GRID2: variants seen among roughly 807,000 people sequenced by gnomAD.
The protein encoded by GRID2 is glutamate ionotropic receptor delta type subunit 2.
Under a neutral mutation model 114.8 loss-of-function variants are expected in GRID2, and 33 were observed. That is an observed-to-expected ratio of 0.29 (90% confidence interval 0.22 to 0.38). GRID2 has a LOEUF of 0.38. GRID2 is among the 10% of genes least tolerant of loss of function. The pLI is 1.00. For missense variants in GRID2, 1,184 were observed against 1,257.7 expected (o/e 0.94, Z 0.89); for synonymous variants, 505 against 449.9 (o/e 1.12, Z -1.55).
At chr4:92,581,675 A>G (rs1426441117) in intron 1 of GRID2, among the ~76,000 whole-genome samples, 1 of 152,122 alleles carries the variant, frequency 6.6e-6, no homozygotes. Flanking sequence ...CTCTGGAGAA[A>G]TCTCTGGAGA....
In GRID2 at chr4:92,535,776, T is replaced by C. The variant is rs201488050; in HGVS notation, c.89-54355T>C. ...TCAAGAATGAAGCCACGGACCGTCG[T>C]GGTGAGTGTTACAGTTCTTAAAGAT... On this transcript the variant is annotated intron_variant, in intron 1 of 15. Transcript: ENST00000282020. Among the ~76,000 whole-genome samples the C allele has an allele frequency of 2.0e-4, 31 of 152,298 alleles. 3 individuals are homozygous for C. In the East Asian group the frequency reaches 6.0e-3, roughly 29 times the overall value.
At chr4:93,005,837 A>G (rs1020500386) in intron 2 of GRID2, among the ~76,000 whole-genome samples, 1 of 152,102 alleles carries the variant, frequency 6.6e-6, no homozygotes, top group Non-Finnish European at 1.5e-5. Flanking sequence ...AATATCCAGA[A>G]TGGTTAAATC....
chr4:93,598,440 A>G (rs185318880), intron 13 of GRID2, among the ~76,000 whole-genome samples: 70 of 152,232 alleles, frequency 4.6e-4, no homozygotes, highest in African/African-American at 1.3e-3. Context: ...CTAAGCACCA[A>G]TGAATTTTGC....
At chr4:93,759,048 CT>C (rs1732991447) in intron 14 of GRID2, among the ~76,000 whole-genome samples, 1 of 152,028 alleles carries the variant, frequency 6.6e-6, no homozygotes, top group Non-Finnish European at 1.5e-5. Flanking sequence ...TTTCATTACC[CT>C]GATTATCTAT....
chr4:92,324,937 T>C (rs982469519), intron 1 of GRID2, among the ~76,000 whole-genome samples: 6 of 151,950 alleles, frequency 3.9e-5, no homozygotes, highest in Non-Finnish European at 8.8e-5. Flanking sequence ...TATCACACTA[T>C]GTAAGAAAAA....
chr4:93,042,507 G>A (rs1313919493), intron 2 of GRID2, among the ~76,000 whole-genome samples: 1 of 148,088 alleles, frequency 6.8e-6, no homozygotes, highest in African/African-American at 2.5e-5. Context: ...GAAGTGAGCT[G>A]TTTTGTAATG....
At chr4:92,928,292 G>T (rs1330977047) in intron 2 of GRID2, among the ~76,000 whole-genome samples, 4 of 151,702 alleles carry the variant, frequency 2.6e-5, no homozygotes, top group Non-Finnish European at 4.4e-5. Context: ...GGCTGGAATT[G>T]TGTGCATCCA....
chr4:92,310,178 T>G (rs1725623783), intron 1 of GRID2, among the ~76,000 whole-genome samples: 1 of 150,318 alleles, frequency 6.7e-6, no homozygotes, highest in African/African-American at 2.5e-5. Flanking sequence ...ATTATAGGGT[T>G]TATTTGTTCA....
intron 2 of GRID2, among the ~76,000 whole-genome samples, chr4:92,694,898 C>G (rs746248479): frequency 1.3e-5 from 2 of 152,142 alleles, no homozygotes. Flanking sequence ...ACCAAATAAT[C>G]AGACCTAATG....
intron 2 of GRID2, among the ~76,000 whole-genome samples, chr4:92,928,414 CA>C (rs754769196): frequency 5.3e-5 from 8 of 151,452 alleles, no homozygotes; most frequent in Non-Finnish European, 1.0e-4. Context: ...CATAGAAATA[CA>C]AAATACACTA....
intron 6 of GRID2, among the ~76,000 whole-genome samples, chr4:93,221,342 G>A (rs982150466): frequency 1.3e-5 from 2 of 152,110 alleles, no homozygotes; most frequent in Non-Finnish European, 2.9e-5. Context: ...CTCAAAGCAA[G>A]CCACAGATGG....
At chr4:93,458,970 A>C (rs1440721017) in intron 11 of GRID2, among the ~76,000 whole-genome samples, 2 of 152,026 alleles carry the variant, frequency 1.3e-5, no homozygotes, top group African/African-American at 4.8e-5. Flanking sequence ...ACCTGAGGTC[A>C]GGAGTTCGAG....
chr4:93,334,846 G>A (rs991277857), intron 8 of GRID2, among the ~76,000 whole-genome samples: 6 of 152,008 alleles, frequency 3.9e-5, no homozygotes, highest in Non-Finnish European at 7.4e-5. Context: ...CAGGAGAATC[G>A]CTTGAACCCG....
At chr4:93,686,560 C>G (rs1436975298) in intron 14 of GRID2, among the ~76,000 whole-genome samples, 23 of 151,726 alleles carry the variant, frequency 1.5e-4, no homozygotes, top group Admixed American at 1.5e-3. Flanking sequence ...CATTAAAAGT[C>G]AGCAAGTCCC....
intron 2 of GRID2, among the ~76,000 whole-genome samples, chr4:92,782,183 T>A (rs1343777810): frequency 6.6e-6 from 1 of 152,086 alleles, no homozygotes; most frequent in African/African-American, 2.4e-5. Context: ...GTAATACTGT[T>A]ATTTATATAA....
chr4:93,801,122 A>T (rs1189396916), intron 1 of GRID2, among the ~76,000 whole-genome samples: 1 of 152,160 alleles, frequency 6.6e-6, no homozygotes, highest in Non-Finnish European at 1.5e-5. Flanking sequence ...ATATACCTGC[A>T]TGAGAGTGAA....
intron 8 of GRID2, chr4:93,258,996 C>T (rs1309614657): frequency 1.5e-5 from 6 of 412,810 alleles, no homozygotes; most frequent in Admixed American, 1.1e-4. Context: ...ACTGAGGCAG[C>T]GAAGTCAGGA....
chr4:92,634,273 A>T (rs894217555), intron 2 of GRID2, among the ~76,000 whole-genome samples: 29 of 152,156 alleles, frequency 1.9e-4, no homozygotes, highest in African/African-American at 7.0e-4. Context: ...ATTCTCTACA[A>T]ATTTAAAAAT....
intron 15 of GRID2, among the ~76,000 whole-genome samples, chr4:93,770,094 C>T (rs17021098): frequency 0.13 from 20,404 of 152,168 alleles, 1,840 homozygotes; most frequent in Admixed American, 0.27. Flanking sequence ...CAGAATTACA[C>T]ATATCTCTTT....
Sources: allele counts gnomAD v4.1 joint callset (sites outside exome capture counted in the v4.1 genomes callset), GRCh38; gene constraint gnomAD v4.1.1; transcripts MANE v1.5; gene names NCBI Gene and HGNC (gene_info 2026-07-23, HGNC 2026-07-21).